LNP1: variants seen among roughly 807,000 people sequenced by gnomAD.
The protein encoded by LNP1 is leukemia NUP98 fusion partner 1.
LNP1 carries 12 observed loss-of-function variants against 14.5 expected under a neutral mutation model. The observed-to-expected ratio is 0.83, with a 90% CI of 0.53 to 1.34. The LOEUF is 1.34. LNP1 is among the 40% of genes most tolerant of loss of function. The pLI is 0.00. For synonymous variants in LNP1, 75 were observed against 71.4 expected, an observed-to-expected ratio of 1.05 and a Z score of -0.26; for missense variants, 198 against 210.9, an observed-to-expected ratio of 0.94 and a Z score of 0.38.
chr3:100,419,640 T>TA (rs1308515962), intron 1 of LNP1, among the ~76,000 whole-genome samples: 1 of 152,186 alleles, frequency 6.6e-6, no homozygotes. Flanking sequence ...CCTCAATCTC[T>TA]AACCCATAGG....
chr3:100,406,982 T>A lies in LNP1; in HGVS notation c.-34+4543T>A, dbSNP rs547041833. On this transcript the variant is annotated intron_variant, in intron 1 of 3. Transcript: ENST00000383693. Reference sequence around the variant, plus strand: ...AACTCCACTTCCTTTCCTCAATATTTTGTGCTTTCAATTTCACAATTTAAG... The same window carrying A: ...AACTCCACTTCCTTTCCTCAATATTATGTGCTTTCAATTTCACAATTTAAG... 2.6e-3 allele frequency among the ~76,000 whole-genome samples: 396 copies of A among 152,362 alleles called. 3 individuals carry two copies. The highest frequency in any genetic ancestry group is 9.0e-3 in the African/African-American group (376 of 41,586).
chr3:100,436,091 G>A (rs931039985), intron 2 of LNP1, among the ~76,000 whole-genome samples: 2 of 152,140 alleles, frequency 1.3e-5, no homozygotes, highest in South Asian at 2.1e-4. Flanking sequence ...TGTCAGGGCC[G>A]GTGCTTGTTT....
Position 100,417,371 on chromosome 3 carries a change from C to CTTTTTTTTTTTTTT in LNP1, c.-33-12317_-33-12304dup, listed in dbSNP as rs562000656. On this transcript the variant is annotated intron_variant, in intron 1 of 3. Coordinates refer to ENST00000383693, the MANE Select transcript of LNP1 (RefSeq NM_001085451.2). Reference sequence around the variant, plus strand: ...CTTTTTCTTTCTTTCTTTCTTTTTTCTTTTTTTTTTTTTTTTTTTTTTCGA... The same window carrying CTTTTTTTTTTTTTT: ...CTTTTTCTTTCTTTCTTTCTTTTTTCTTTTTTTTTTTTTTTTTTTTTTTTTTTTTTTTTTTTCGA... Among the ~76,000 whole-genome samples the CTTTTTTTTTTTTTT allele has an allele frequency of 4.2e-4, 27 of 64,626 alleles. 2 individuals are homozygous for CTTTTTTTTTTTTTT. Among genetic ancestry groups the CTTTTTTTTTTTTTT allele is most frequent in the African/African-American group, 8.6e-4 (15 of 17,428 alleles). The allele number at this position is 64,626 out of a possible 152,430, so 42.4% of individuals were successfully genotyped here.
intron 2 of LNP1, among the ~76,000 whole-genome samples, chr3:100,443,910 A>T (rs1328872353): frequency 6.6e-6 from 1 of 152,146 alleles, no homozygotes; most frequent in Non-Finnish European, 1.5e-5. Flanking sequence ...TGTTCATAGG[A>T]GTATACTTTA....
chr3:100,408,790 T>G (rs1706996610), intron 1 of LNP1, among the ~76,000 whole-genome samples: 1 of 152,056 alleles, frequency 6.6e-6, no homozygotes, highest in African/African-American at 2.4e-5. Flanking sequence ...AGACAATATC[T>G]TTTTCCGGGC....
intron 1 of LNP1, among the ~76,000 whole-genome samples, chr3:100,424,373 GAT>G (rs1372389228): frequency 6.6e-6 from 1 of 152,194 alleles, no homozygotes; most frequent in African/African-American, 2.4e-5. Flanking sequence ...AACAAGTAAA[GAT>G]AAAAGTTGCA....
At chr3:100,453,572 G>T (rs1243916067) in intron 3 of LNP1, among the ~76,000 whole-genome samples, 1 of 146,090 alleles carries the variant, frequency 6.8e-6, no homozygotes, top group Non-Finnish European at 1.5e-5. Context: ...CTGGGCAACA[G>T]AGCAAGACTC....
At position 100,456,019 on chromosome 3, in the gene LNP1, G is replaced by C; in HGVS notation, c.*93G>C. 1 of 1,402,436 alleles carries C rather than the reference G, an allele frequency of 7.1e-7. No individual in the cohort carries two copies. Among genetic ancestry groups the C allele is most frequent in the Admixed American group, 2.2e-5 (1 of 44,716 alleles). The allele number at this position is 1,402,436 out of a possible 1,614,324, so 86.9% of individuals were successfully genotyped here. ...CATTTCAGGATGTGGATGGGGGCGG[G>C]GTTGGGGGTAAAAACAGCTATAAAA... is the stretch of plus-strand genomic sequence containing the variant. On this transcript the variant is annotated 3_prime_UTR_variant, in exon 4 of 4. Transcript: ENST00000383693.
chr3:100,418,985 C>T (rs565832001), intron 1 of LNP1, among the ~76,000 whole-genome samples: 2 of 152,238 alleles, frequency 1.3e-5, no homozygotes, highest in South Asian at 2.1e-4. Context: ...TAGAGGATGC[C>T]GTGTTGCTTC....
chr3:100,416,597 TTTTGTGTGTGTGTGTGTGTGTG>T lies in LNP1; in HGVS notation c.-33-13098_-33-13077del, dbSNP rs202104866. ...ATAAATAATACCTTGAGTATATCTT[TTTTGTGTGTGTGTGTGTGTGTG>T]TGTGTGTGTGTGTGTGTGTGTGTGT... On this transcript the variant is annotated intron_variant, in intron 1 of 3. Transcript: ENST00000383693. Among the ~76,000 whole-genome samples the T allele has an allele frequency of 6.5e-4, 72 of 110,656 alleles. No homozygotes were observed. The East Asian group carries it at 1.0e-2, about 15-fold the overall frequency. The allele number at this position is 110,656 out of a possible 152,430, so 72.6% of individuals were successfully genotyped here. A position where few individuals can be genotyped will look rare whatever the true frequency, so the allele number is the denominator to read the frequency against.
chr3:100,434,547 G>A (rs1219010112), intron 2 of LNP1, among the ~76,000 whole-genome samples: 1 of 137,946 alleles, frequency 7.2e-6, no homozygotes, highest in South Asian at 2.3e-4. Context: ...CTTTTTTTTT[G>A]AGTTGAAGTC....
intron 3 of LNP1, among the ~76,000 whole-genome samples, chr3:100,452,203 T>C (rs1057164352): frequency 5.1e-5 from 5 of 97,678 alleles, no homozygotes; most frequent in Non-Finnish European, 9.5e-5. Context: ...TTTTTCTTTC[T>C]TTTTTTTTTT....
At chr3:100,417,364 C>CTT (rs1228887073) in intron 1 of LNP1, among the ~76,000 whole-genome samples, 2 of 83,178 alleles carry the variant, frequency 2.4e-5, no homozygotes, top group African/African-American at 5.3e-5. Context: ...TTCTTTCTTT[C>CTT]TTTTTTCTTT....
intron 1 of LNP1, among the ~76,000 whole-genome samples, chr3:100,426,827 C>T (rs1033019489): frequency 1.3e-5 from 2 of 152,198 alleles, no homozygotes; most frequent in South Asian, 4.1e-4. Context: ...TCTTCTAATA[C>T]TTCTTATAGA....
At chr3:100,418,133 C>T (rs1460812224) in intron 1 of LNP1, among the ~76,000 whole-genome samples, 1 of 148,600 alleles carries the variant, frequency 6.7e-6, no homozygotes, top group Non-Finnish European at 1.5e-5. Context: ...GAGCTCGGCT[C>T]AATGCAACCT....
At chr3:100,451,465 A>G (rs1397634844) in intron 2 of LNP1, among the ~76,000 whole-genome samples, 7 of 152,198 alleles carry the variant, frequency 4.6e-5, no homozygotes, top group African/African-American at 1.4e-4. Context: ...GTTTGTCTCA[A>G]TGCATGAGAT....
chr3:100,450,086 C>G (rs1201047196), intron 2 of LNP1, among the ~76,000 whole-genome samples: 1 of 130,040 alleles, frequency 7.7e-6, no homozygotes, highest in Non-Finnish European at 1.6e-5. Context: ...CCACACCATA[C>G]CACTTTTTTT....
rs148327985 is a variant in LNP1, at chr3:100,415,943, C to T, written c.-34+13504C>T. Among the ~76,000 whole-genome samples, 97 of 152,210 alleles carry T rather than the reference C, an allele frequency of 6.4e-4. 1 individual carries two copies. The East Asian group carries it at 0.017, about 26-fold the overall frequency. On this transcript the variant is annotated intron_variant, in intron 1 of 3. Transcript: ENST00000383693. ...TTTAAAAAAAAGGTTGTATTGTCAC[C>T]CAAATGTGCAACCCCAGATGCTGTC...
intron 1 of LNP1, among the ~76,000 whole-genome samples, chr3:100,415,631 A>G (rs562528490): frequency 2.6e-5 from 4 of 152,312 alleles, no homozygotes; most frequent in African/African-American, 9.6e-5. Flanking sequence ...CCAATCCAGA[A>G]ATTTCACCTC....
Sources: allele counts gnomAD v4.1 joint callset (sites outside exome capture counted in the v4.1 genomes callset), GRCh38; gene constraint gnomAD v4.1.1; transcripts MANE v1.5; gene names NCBI Gene and HGNC (gene_info 2026-07-23, HGNC 2026-07-21).